Variants in PDZRN3 observed in about 807,000 individuals in gnomAD.
PDZRN3 encodes the protein E3 ubiquitin-protein ligase PDZRN3.
PDZRN3 carries 38 observed loss-of-function variants against 85.7 expected under a neutral mutation model. The ratio of observed to expected loss-of-function variants is 0.44; its 90% CI spans 0.34 to 0.58. The LOEUF (loss-of-function observed/expected upper bound fraction) is 0.58, where lower values mean the gene tolerates loss of function less well. Ranked by LOEUF, PDZRN3 falls within the 20% of genes least tolerant of loss-of-function variation. The probability of loss-of-function intolerance (pLI) is 0.01; values close to 1 mark genes in which losing one functional copy is unlikely to be tolerated. For synonymous variants in PDZRN3, 759 were observed against 638.0 expected, an observed-to-expected ratio of 1.19 and a Z score of -2.86; for missense variants, 1,629 against 1,506.4, an observed-to-expected ratio of 1.08 and a Z score of -1.35.
intron 8 of PDZRN3, 121 bp downstream of exon 8, chr3:73,387,847 A>C (rs746064982): frequency 1.4e-4 from 86 of 613,322 alleles, no homozygotes; most frequent in Middle Eastern, 2.6e-4. Context: ...GTTTGATTAC[A>C]TTTCCAGGGA....
intron 3 of PDZRN3, among the ~76,000 whole-genome samples, chr3:73,473,472 A>G (rs1413465816): frequency 6.6e-6 from 1 of 152,150 alleles, no homozygotes; most frequent in African/African-American, 2.4e-5. Context: ...AGAGGAAAAA[A>G]AAAAACAGAA....
At chr3:73,422,570 A>G (rs1421269413) in intron 3 of PDZRN3, among the ~76,000 whole-genome samples, 1 of 152,186 alleles carries the variant, frequency 6.6e-6, no homozygotes, top group Non-Finnish European at 1.5e-5. Context: ...CAACACTGGA[A>G]CTGTGTCCTC....
chr3:73,436,933 G>A (rs1702541769), intron 3 of PDZRN3, among the ~76,000 whole-genome samples: 1 of 151,380 alleles, frequency 6.6e-6, no homozygotes, highest in Admixed American at 6.6e-5. Context: ...GTAGTCCCAG[G>A]TACTTGGGAG....
At chr3:73,539,418 G>A (rs1376553594) in intron 3 of PDZRN3, among the ~76,000 whole-genome samples, 5 of 152,294 alleles carry the variant, frequency 3.3e-5, no homozygotes, top group East Asian at 3.9e-4. Flanking sequence ...AGGTGGAATC[G>A]ATTTCCTCAG....
intron 1 of PDZRN3, among the ~76,000 whole-genome samples, chr3:73,615,110 T>C (rs1171350675): frequency 6.6e-6 from 1 of 152,102 alleles, no homozygotes; most frequent in African/African-American, 2.4e-5. Context: ...CAAGAGCTTT[T>C]CCAGAGTCAT....
intron 3 of PDZRN3, among the ~76,000 whole-genome samples, chr3:73,515,645 T>C (rs114805558): frequency 0.011 from 1,695 of 152,346 alleles, 11 homozygotes; most frequent in Non-Finnish European, 0.019. Flanking sequence ...GCCCAGGATA[T>C]ATCTAGATCA....
chr3:73,589,925 A>G (rs564223779), intron 3 of PDZRN3, among the ~76,000 whole-genome samples: 3 of 152,278 alleles, frequency 2.0e-5, no homozygotes, highest in Admixed American at 1.3e-4. Context: ...ATATTCATAT[A>G]TATTTTACAA....
intron 3 of PDZRN3, among the ~76,000 whole-genome samples, chr3:73,436,236 G>T (rs558829275): frequency 6.6e-6 from 1 of 152,210 alleles, no homozygotes; most frequent in Non-Finnish European, 1.5e-5. Context: ...TGTGTTTGCT[G>T]ACTGTTTCCT....
chr3:73,524,114 T>A (rs1047212656), intron 3 of PDZRN3, among the ~76,000 whole-genome samples: 3 of 152,170 alleles, frequency 2.0e-5, no homozygotes, highest in Non-Finnish European at 4.4e-5. Context: ...TGGGAAACAT[T>A]TGGACTAACA....
At chr3:73,395,367 TGTA>T in intron 5 of PDZRN3, among the ~76,000 whole-genome samples, 1 of 152,380 alleles carries the variant, frequency 6.6e-6, no homozygotes, top group East Asian at 1.9e-4. Context: ...GTATGAATAA[TGTA>T]GTAGCATTAT....
intron 2 of PDZRN3, among the ~76,000 whole-genome samples, chr3:73,606,098 C>A (rs1702596031): frequency 6.6e-6 from 1 of 152,234 alleles, no homozygotes; most frequent in African/African-American, 2.4e-5. Flanking sequence ...ACAGGCCTCT[C>A]CATTTTGAGC....
At chr3:73,474,443 G>T (rs987993592) in intron 3 of PDZRN3, 2 of 1,267,588 alleles carry the variant, frequency 1.6e-6, no homozygotes, top group East Asian at 5.6e-5. Context: ...AGGTGGAGCA[G>T]ATTAAACTCA....
chr3:73,559,893 G>A (rs73838568), intron 3 of PDZRN3, among the ~76,000 whole-genome samples: 3,654 of 152,278 alleles, frequency 0.024, 95 homozygotes, highest in African/African-American at 0.062. Flanking sequence ...TTCTTCCTTA[G>A]AGTCAATATT....
intron 3 of PDZRN3, among the ~76,000 whole-genome samples, chr3:73,499,948 G>C (rs1295746955): frequency 6.6e-6 from 1 of 152,042 alleles, no homozygotes; most frequent in Non-Finnish European, 1.5e-5. Flanking sequence ...GTGGATATTA[G>C]CTAATATTAT....
At chr3:73,512,046 G>T (rs1000669725) in intron 3 of PDZRN3, among the ~76,000 whole-genome samples, 1 of 150,578 alleles carries the variant, frequency 6.6e-6, no homozygotes, top group Non-Finnish European at 1.5e-5. Flanking sequence ...GTTTGTTATT[G>T]TTGTTAATTC....
chr3:73,437,625 T>G (rs920725447), intron 3 of PDZRN3, among the ~76,000 whole-genome samples: 2 of 152,166 alleles, frequency 1.3e-5, no homozygotes, highest in Non-Finnish European at 2.9e-5. Flanking sequence ...TGGTTGAGTT[T>G]CCATTCTTGT....
chr3:73,567,843 TACA>T (rs1200219524), intron 3 of PDZRN3, among the ~76,000 whole-genome samples: 2 of 152,292 alleles, frequency 1.3e-5, no homozygotes, highest in African/African-American at 2.4e-5. Flanking sequence ...GCAACAGAAA[TACA>T]ACGATAGGGT....
At chr3:73,484,909 C>T (rs1463038633) in intron 3 of PDZRN3, among the ~76,000 whole-genome samples, 7 of 152,102 alleles carry the variant, frequency 4.6e-5, no homozygotes, top group African/African-American at 1.7e-4. Context: ...CTGGGAGGCA[C>T]CCGAAACCAG....
intron 3 of PDZRN3, among the ~76,000 whole-genome samples, chr3:73,454,036 CTG>C (rs1702928494): frequency 6.6e-6 from 1 of 152,172 alleles, no homozygotes; most frequent in Non-Finnish European, 1.5e-5. Context: ...TAGGCCAGGC[CTG>C]TGAAAAGTAC....
Sources: allele counts gnomAD v4.1 joint callset (sites outside exome capture counted in the v4.1 genomes callset), GRCh38; gene constraint gnomAD v4.1.1; transcripts MANE v1.5; gene names NCBI Gene and HGNC (gene_info 2026-07-23, HGNC 2026-07-21).